The following LINGO2 variants were observed in gnomAD, a reference collection of about 807,000 sequenced individuals.
The protein encoded by LINGO2 is leucine-rich repeat and immunoglobulin-like domain-containing nogo receptor-interacting protein 2.
Under a neutral mutation model 30.6 loss-of-function variants are expected in LINGO2, and 14 were observed. The observed-to-expected ratio is 0.46, with a 90% CI of 0.30 to 0.72. LINGO2 has a LOEUF of 0.72. Ranked by LOEUF, LINGO2 falls within the 30% of genes least tolerant of loss-of-function variation. The pLI is 0.07. For missense variants in LINGO2, 729 were observed against 751.7 expected (o/e 0.97, Z 0.35); for synonymous variants, 317 against 288.5 (o/e 1.10, Z -1.00).
chr9:27,949,636 C>T (rs762334750), exon 6 of LINGO2: 3 of 1,614,042 alleles, frequency 1.9e-6, no homozygotes, highest in Admixed American at 1.7e-5. Flanking sequence ...ACCTCCAGAG[C>T]CCTAGGGGAG....
chr9:29,211,151 C>T, the LINGO2 span, among the ~76,000 whole-genome samples: 1 of 152,044 alleles, frequency 6.6e-6, no homozygotes, highest in Non-Finnish European at 1.5e-5. Context: ...TTCCAAGACC[C>T]TGAAACTGCA....
intron 3 of LINGO2, among the ~76,000 whole-genome samples, chr9:28,336,866 A>T (rs995428487): frequency 6.6e-6 from 1 of 151,980 alleles, no homozygotes; most frequent in Non-Finnish European, 1.5e-5. Context: ...TACTTTTTTT[A>T]AATAAAAATT....
intron 1 of LINGO2, among the ~76,000 whole-genome samples, chr9:28,520,293 G>T (rs1174640330): frequency 2.0e-5 from 3 of 152,040 alleles, no homozygotes; most frequent in Non-Finnish European, 2.9e-5. Context: ...GACGATGTAG[G>T]TTTTTAAGTA....
chr9:28,464,770 T>C (rs1478407643), intron 2 of LINGO2, among the ~76,000 whole-genome samples: 1 of 152,216 alleles, frequency 6.6e-6, no homozygotes. Flanking sequence ...TACTTAAGGT[T>C]TCCAAGACAA....
rs568082752 is a variant in LINGO2, at chr9:28,493,121, G to A, written c.-364-17096C>T. Among the ~76,000 whole-genome samples the A allele has an allele frequency of 3.0e-4, 46 of 152,110 alleles. No individual in the cohort carries two copies. The South Asian group carries it at 5.4e-3, about 18-fold the overall frequency. ...TCATCCACAGTCCTTAGTTTGTGGC[G>A]TTTGTCCTATTTTATTTCCAGGCGA... On this transcript the variant is annotated intron_variant, in intron 1 of 5. Transcript: ENST00000379992.
chr9:28,032,163 A>T (rs777395005), intron 4 of LINGO2, among the ~76,000 whole-genome samples: 6 of 152,078 alleles, frequency 3.9e-5, no homozygotes, highest in Non-Finnish European at 5.9e-5. Flanking sequence ...GAAGTAGGTA[A>T]TATGGGCATT....
the LINGO2 span, among the ~76,000 whole-genome samples, chr9:28,700,956 T>C: frequency 6.6e-6 from 1 of 152,120 alleles, no homozygotes; most frequent in African/African-American, 2.4e-5. Context: ...GTATATTTTC[T>C]TTGGTGAGGA....
chr9:28,160,226 A>C (rs1828246817), intron 4 of LINGO2, among the ~76,000 whole-genome samples: 2 of 152,176 alleles, frequency 1.3e-5, no homozygotes. Context: ...TACTAATTGG[A>C]GTCAACTGGA....
the LINGO2 span, among the ~76,000 whole-genome samples, chr9:28,736,963 A>G: frequency 6.6e-6 from 1 of 152,116 alleles, no homozygotes; most frequent in Admixed American, 6.6e-5. Context: ...ACATTCCCCA[A>G]GGGGATCATG....
At chr9:28,413,472 T>C (rs1406104500) in intron 2 of LINGO2, among the ~76,000 whole-genome samples, 1 of 152,204 alleles carries the variant, frequency 6.6e-6, no homozygotes, top group East Asian at 1.9e-4. Context: ...GCGAACTCTA[T>C]AGGCTTAAAA....
chr9:28,532,116 T>C (rs530402198), intron 1 of LINGO2, among the ~76,000 whole-genome samples: 10 of 152,256 alleles, frequency 6.6e-5, no homozygotes, highest in African/African-American at 1.9e-4. Context: ...ACTCTCATTT[T>C]AATTTCTTAT....
At chr9:28,043,618 T>A (rs943159489) in intron 4 of LINGO2, among the ~76,000 whole-genome samples, 2 of 152,204 alleles carry the variant, frequency 1.3e-5, no homozygotes, top group African/African-American at 2.4e-5. Flanking sequence ...TTCAAACATA[T>A]ACAAAACTAT....
chr9:28,472,890 TTGTC>T (rs1295416751), intron 2 of LINGO2, among the ~76,000 whole-genome samples: 8 of 152,194 alleles, frequency 5.3e-5, no homozygotes, highest in Admixed American at 3.3e-4. Flanking sequence ...TTCTTTTCAA[TTGTC>T]TGTACTTTAA....
chr9:28,877,262 C>A, the LINGO2 span, among the ~76,000 whole-genome samples: 1 of 151,792 alleles, frequency 6.6e-6, no homozygotes, highest in Non-Finnish European at 1.5e-5. Context: ...TTAATTAGAT[C>A]CCATTTGTCA....
intron 5 of LINGO2, among the ~76,000 whole-genome samples, chr9:27,992,780 G>A (rs1307644363): frequency 6.8e-6 from 1 of 146,660 alleles, no homozygotes. Context: ...ATGAAAGTTT[G>A]GTGAGGGAAC....
At chr9:28,727,085 G>C in the LINGO2 span, among the ~76,000 whole-genome samples, 1 of 152,028 alleles carries the variant, frequency 6.6e-6, no homozygotes, top group Non-Finnish European at 1.5e-5. Context: ...GCAAATATAA[G>C]AATGTTTTTA....
chr9:28,809,121 A>G, the LINGO2 span, among the ~76,000 whole-genome samples: 75 of 152,350 alleles, frequency 4.9e-4, no homozygotes, highest in Middle Eastern at 6.8e-3. Flanking sequence ...TAATCTTTTT[A>G]AACAAAATGA....
the LINGO2 span, among the ~76,000 whole-genome samples, chr9:28,746,027 A>G: frequency 1.3e-5 from 2 of 152,188 alleles, no homozygotes; most frequent in South Asian, 4.1e-4. Flanking sequence ...CCAACACAGA[A>G]AACCATTTTT....
At chr9:28,663,165 AT>A (rs143151156) in intron 1 of LINGO2, among the ~76,000 whole-genome samples, 5 of 150,906 alleles carry the variant, frequency 3.3e-5, no homozygotes, top group Non-Finnish European at 4.4e-5. Context: ...GTGCAGTTGT[AT>A]TTTTTTTTGT....
Sources: allele counts gnomAD v4.1 joint callset (sites outside exome capture counted in the v4.1 genomes callset), GRCh38; gene constraint gnomAD v4.1.1; transcripts MANE v1.5; gene names NCBI Gene and HGNC (gene_info 2026-07-23, HGNC 2026-07-21).